Variants in JAGN1 observed in about 807,000 individuals in gnomAD.
JAGN1 encodes the protein jagunal vesicle mediated transporter 1.
In JAGN1, 13 loss-of-function variants were observed where a neutral mutation model predicts 17.1. The observed-to-expected ratio is 0.76, with a 90% CI of 0.49 to 1.21. The LOEUF (loss-of-function observed/expected upper bound fraction) is 1.21, where lower values mean the gene tolerates loss of function less well. Ranked by LOEUF, JAGN1 falls within the 50% of genes most tolerant of loss-of-function variation. The probability of loss-of-function intolerance (pLI) is 0.00; values close to 1 mark genes in which losing one functional copy is unlikely to be tolerated. For synonymous variants in JAGN1, 111 were observed against 91.0 expected, an observed-to-expected ratio of 1.22 and a Z score of -1.25; for missense variants, 256 against 234.2, an observed-to-expected ratio of 1.09 and a Z score of -0.61.
rs1187514595 is a variant in JAGN1, at chr3:9,892,996, G to C, written c.171G>C (p.Val57=). The change falls in exon 2 of 2, where the codon GTG becomes GTC. Residue 57 remains valine, a synonymous_variant. Transcript: ENST00000647897. The part of the protein sequence containing the change: ...IWLLLVAKMS[V]GHLRLLSHDQ... ...TGCTGCTGGTTGCTAAGATGAGCGT[G>C]GGACACCTGAGGCTCTTGTCACATG... 1.2e-6 allele frequency: 2 copies of C among 1,614,162 alleles called. No homozygotes were observed. The highest frequency in any genetic ancestry group is 2.2e-5 in the South Asian group (2 of 91,084).
At position 9,890,651 on chromosome 3, in the gene JAGN1, C is replaced by A; in HGVS notation, c.-72C>A. Reference sequence around the variant, plus strand: ...GCGGCTGCGGGGGCGCAAATAGGGTCAGTGGGCCGCTTGGCGGTGTCGTTG... The same window carrying A: ...GCGGCTGCGGGGGCGCAAATAGGGTAAGTGGGCCGCTTGGCGGTGTCGTTG... On this transcript the variant is annotated 5_prime_UTR_variant, in exon 1 of 2. Coordinates refer to ENST00000647897, the MANE Select transcript of JAGN1 (RefSeq NM_032492.4). The A allele has an allele frequency of 2.1e-6, 3 of 1,433,620 alleles. No homozygotes were observed. The highest frequency in any genetic ancestry group is 2.5e-5 in the South Asian group (2 of 79,484). The allele number at this position is 1,433,620 out of a possible 1,614,324, so 88.8% of individuals were successfully genotyped here.
rs1185144495 is a variant in JAGN1 at position 9,893,917 on chromosome 3, A to G, written c.*540A>G. On this transcript the variant is annotated 3_prime_UTR_variant, in exon 2 of 2. Transcript: ENST00000647897. The stretch of plus-strand genomic sequence containing the variant: ...TGTTGCTTGAAAGGTGTGGCCTTAG[A>G]CACTAGGAGATGATGGGTAGAAGCT... 3 of 156,730 alleles carry G rather than the reference A, an allele frequency of 1.9e-5. No homozygotes were observed. Among genetic ancestry groups the G allele is most frequent in the Non-Finnish European group, 4.3e-5 (3 of 70,562 alleles). The allele number at this position is 156,730 out of a possible 1,614,324, so 9.7% of individuals were successfully genotyped here.
Position 9,893,138 on chromosome 3 carries a change from A to T in JAGN1, c.313A>T (p.Ile105Phe). 6.2e-7 allele frequency: 1 copy of T among 1,614,108 alleles called. No individual in the cohort carries two copies. The highest frequency in any genetic ancestry group is 2.2e-5 in the East Asian group (1 of 44,888). Reference protein sequence around the residue: ...NNISYLVLSMISMGLFSIAPL... With the variant: ...NNISYLVLSMFSMGLFSIAPL... ...CATTAGCTACCTGGTGCTCTCCATG[A>T]TCAGCATGGGACTCTTTTCCATCGC... Residue 105 changes from isoleucine (I) to phenylalanine (F), a missense_variant, in exon 2 of 2, where the codon ATC becomes TTC. Ile to Phe is a conservative substitution (Grantham distance 21, BLOSUM62 0). Coordinates refer to ENST00000647897, the MANE Select transcript of JAGN1 (RefSeq NM_032492.4).
chr3:9,892,191 T>A lies in JAGN1; in HGVS notation c.90-724T>A, dbSNP rs566444562. Among the ~76,000 whole-genome samples the A allele has an allele frequency of 2.6e-5, 4 of 152,210 alleles. No individual in the cohort carries two copies. In the East Asian group the frequency reaches 7.7e-4, roughly 29 times the overall value. On this transcript the variant is annotated intron_variant, in intron 1 of 1. Transcript: ENST00000647897. Reference sequence around the variant, plus strand: ...CCACCACGTGCTGCTAATTTTTTTGTATTTTTAGTAGAGACAGGGTTTCAC... The same window carrying A: ...CCACCACGTGCTGCTAATTTTTTTGAATTTTTAGTAGAGACAGGGTTTCAC...
Position 9,890,713 on chromosome 3 carries a change from G to A in JAGN1, c.-10G>A, listed in dbSNP as rs763251927. On this transcript the variant is annotated 5_prime_UTR_variant, in exon 1 of 2. Coordinates refer to ENST00000647897, the MANE Select transcript of JAGN1 (RefSeq NM_032492.4). ...CCGCGTGAGGGGTTCGGGGGTTCTG[G>A]GCAGGCACAATGGCGTCTCGAGCAG... 1 of 1,604,940 alleles carries A rather than the reference G, an allele frequency of 6.2e-7. No individual in the cohort carries two copies. Among genetic ancestry groups the A allele is most frequent in the Non-Finnish European group, 8.5e-7 (1 of 1,176,826 alleles).
In JAGN1 at chr3:9,893,758, A is replaced by G. The variant is rs1304588115; in HGVS notation, c.*381A>G. On this transcript the variant is annotated 3_prime_UTR_variant, in exon 2 of 2. Coordinates refer to ENST00000647897, the MANE Select transcript of JAGN1 (RefSeq NM_032492.4). Reference sequence around the variant, plus strand: ...TTACTTCATCTCTAGGTCACGGGTCAGGAAACATTTGGGCAGCTGCTCCCT... The same window carrying G: ...TTACTTCATCTCTAGGTCACGGGTCGGGAAACATTTGGGCAGCTGCTCCCT... The G allele has an allele frequency of 1.0e-5, 2 of 194,724 alleles. No homozygotes were observed. Among genetic ancestry groups the G allele is most frequent in the East Asian group, 1.2e-4 (1 of 8,034 alleles). 12.1% of individuals were successfully genotyped at this position (194,724 alleles called of 1,614,324 possible). A position where few individuals can be genotyped will look rare whatever the true frequency, so the allele number is the denominator to read the frequency against.
At chr3:9,891,569 A>T (rs1431144856) in intron 1 of JAGN1, among the ~76,000 whole-genome samples, 1 of 151,062 alleles carries the variant, frequency 6.6e-6, no homozygotes, top group Admixed American at 6.6e-5. Context: ...ACCTTTCCAC[A>T]TTTTCTACAA....
In JAGN1 at chr3:9,893,638, A is replaced by G. The variant is rs1274827349; in HGVS notation, c.*261A>G. 2 of 461,784 alleles carry G rather than the reference A, an allele frequency of 4.3e-6. No individual in the cohort carries two copies. Among genetic ancestry groups the G allele is most frequent in the African/African-American group, 3.9e-5 (2 of 51,224 alleles). 28.6% of individuals were successfully genotyped at this position (461,784 alleles called of 1,614,324 possible). A position where few individuals can be genotyped will look rare whatever the true frequency, so the allele number is the denominator to read the frequency against. On this transcript the variant is annotated 3_prime_UTR_variant, in exon 2 of 2. Transcript: ENST00000647897. ...TGAACTTTGAGGTTTTTCTTTAAGA[A>G]TGAGCTTCGTCCTTGCCTCTACTCG... is the stretch of plus-strand genomic sequence containing the variant.
intron 1 of JAGN1, among the ~76,000 whole-genome samples, chr3:9,891,214 A>C (rs1475974963): frequency 1.3e-5 from 2 of 152,250 alleles, no homozygotes; most frequent in East Asian, 3.8e-4. Flanking sequence ...GTGTAAAGAA[A>C]GTAGCATAAG....
Position 9,893,328 on chromosome 3 carries a change from A to G in JAGN1, c.503A>G (p.Lys168Arg), listed in dbSNP as rs749080431. ...GCCTGGCAGTTGTACTACAGCAAGAAGCTCCTAGACTCTTGGTTCACCAGC... is the reference window on the plus strand; with the variant it reads ...GCCTGGCAGTTGTACTACAGCAAGAGGCTCCTAGACTCTTGGTTCACCAGC... Reference protein sequence around the residue: ...VHAWQLYYSKKLLDSWFTSTQ... With the variant: ...VHAWQLYYSKRLLDSWFTSTQ... Residue 168 changes from lysine to arginine, a missense_variant, in exon 2 of 2, where the codon AAG becomes AGG. Transcript: ENST00000647897. The G allele has an allele frequency of 8.1e-6, 13 of 1,614,050 alleles. No homozygotes were observed. The Admixed American group carries it at 2.0e-4, about 25-fold the overall frequency.
chr3:9,892,465 C>T lies in JAGN1; in HGVS notation c.90-450C>T, dbSNP rs74279914. On this transcript the variant is annotated intron_variant, in intron 1 of 1. Coordinates refer to ENST00000647897, the MANE Select transcript of JAGN1 (RefSeq NM_032492.4). ...GCTTGGATTAGAGTTGTGAGCCCAGCCTCTTCTACTTTTAACTCTCATAGT... is the reference window on the plus strand; with the variant it reads ...GCTTGGATTAGAGTTGTGAGCCCAGTCTCTTCTACTTTTAACTCTCATAGT... Among the ~76,000 whole-genome samples, 25 of 91,248 alleles carry T rather than the reference C, an allele frequency of 2.7e-4. No individual in the cohort carries two copies. In the East Asian group the frequency reaches 8.1e-3, roughly 30 times the overall value. 59.9% of individuals were successfully genotyped at this position (91,248 alleles called of 152,430 possible). A position where few individuals can be genotyped will look rare whatever the true frequency, so the allele number is the denominator to read the frequency against.
rs753747801 is a variant in JAGN1 at position 9,892,949 on chromosome 3, T to C, written c.124T>C (p.Tyr42His). The C allele has an allele frequency of 8.1e-6, 13 of 1,613,274 alleles. No individual in the cohort carries two copies. The South Asian group carries it at 1.3e-4, about 16-fold the overall frequency. The change falls in exon 2 of 2, where the codon TAC (tyrosine) becomes CAC (histidine). Residue 42 changes from tyrosine (Y) to histidine (H), a missense_variant. Physicochemically the swap from Tyr to His is moderately conservative, Grantham distance 83 (BLOSUM62 2). Coordinates refer to ENST00000647897, the MANE Select transcript of JAGN1 (RefSeq NM_032492.4). ...TLKYEIKKLI[Y>H]VHLVIWLLLV... ...CAAGTATGAAATCAAGAAGCTGATC[T>C]ACGTACATCTGGTCATATGGCTGCT...
In JAGN1 at chr3:9,893,435, G is replaced by A. The variant is rs1285298062; in HGVS notation, c.*58G>A. On this transcript the variant is annotated 3_prime_UTR_variant, in exon 2 of 2. Transcript: ENST00000647897. ...CGAATGAAAGGACACTAGTACAGCG[G>A]TTCCAAAATCCCTTCTGGTGATTTT... 1 of 1,343,472 alleles carries A rather than the reference G, an allele frequency of 7.4e-7. No individual in the cohort carries two copies. The highest frequency in any genetic ancestry group is 2.5e-5 in the East Asian group (1 of 40,568). The allele number at this position is 1,343,472 out of a possible 1,614,324, so 83.2% of individuals were successfully genotyped here.
In JAGN1 at chr3:9,893,353, C is replaced by T. The variant is rs2082576219; in HGVS notation, c.528C>T (p.Ser176=). ...SKKLLDSWFT[S]TQEKKHK is the part of the protein sequence containing the mutation. ...AGCTCCTAGACTCTTGGTTCACCAG[C>T]ACACAGGAGAAGAAGCATAAATGAA... The change falls in exon 2 of 2, where the codon AGC becomes AGT. Residue 176 remains serine (S), a synonymous_variant. Transcript: ENST00000647897. 1 of 1,612,850 alleles carries T rather than the reference C, an allele frequency of 6.2e-7. No individual in the cohort carries two copies. Among genetic ancestry groups the T allele is most frequent in the Non-Finnish European group, 8.5e-7 (1 of 1,179,460 alleles).
rs2082555094 is a variant in JAGN1 at position 9,890,642 on chromosome 3, A to G, written c.-81A>G. On this transcript the variant is annotated 5_prime_UTR_variant, in exon 1 of 2. Transcript: ENST00000647897. ...CGGAGCCGCGCGGCTGCGGGGGCGC[A>G]AATAGGGTCAGTGGGCCGCTTGGCG... 1.5e-6 allele frequency: 2 copies of G among 1,367,750 alleles called. No homozygotes were observed. Among genetic ancestry groups the G allele is most frequent in the Non-Finnish European group, 2.0e-6 (2 of 994,018 alleles). The allele number at this position is 1,367,750 out of a possible 1,614,324, so 84.7% of individuals were successfully genotyped here. A position where few individuals can be genotyped will look rare whatever the true frequency, so the allele number is the denominator to read the frequency against.
Position 9,893,101 on chromosome 3 carries a change from T to G in JAGN1, c.276T>G (p.Phe92Leu), listed in dbSNP as rs1012137585. 1 of 1,614,126 alleles carries G rather than the reference T, an allele frequency of 6.2e-7. No individual in the cohort carries two copies. Among genetic ancestry groups the G allele is most frequent in the Non-Finnish European group, 8.5e-7 (1 of 1,180,010 alleles). Residue 92 changes from phenylalanine (F) to leucine (L), a missense_variant, in exon 2 of 2, where the codon TTT becomes TTG. Physicochemically the swap from Phe to Leu is conservative, Grantham distance 22. Transcript: ENST00000647897. ...ILPSLLGLLSFPRNNISYLVL... is the reference protein window; with the variant it reads ...ILPSLLGLLSLPRNNISYLVL... ...CCTCTCTCTTGGGCCTTCTCTCCTT[T>G]CCCCGCAACAACATTAGCTACCTGG...
chr3:9,891,133 C>T (rs2082560493), intron 1 of JAGN1, among the ~76,000 whole-genome samples: 2 of 152,374 alleles, frequency 1.3e-5, no homozygotes, highest in South Asian at 4.1e-4. Context: ...ATTTGAGCCT[C>T]AGCTTCCTCA....
rs1435902296 is a variant in JAGN1, at chr3:9,894,315, C to A, written c.*938C>A. 1 of 152,168 alleles carries A rather than the reference C, an allele frequency of 6.6e-6. No individual in the cohort carries two copies. Among genetic ancestry groups the A allele is most frequent in the Non-Finnish European group, 1.5e-5 (1 of 68,028 alleles). 9.4% of individuals were successfully genotyped at this position (152,168 alleles called of 1,614,324 possible). ...ACATTAAAAACAGGAAGGAAGAGAT[C>A]TGTGATTAAACTAAAGGCCCTTTCA... On this transcript the variant is annotated 3_prime_UTR_variant, in exon 2 of 2. Transcript: ENST00000647897.
At chr3:9,891,371 T>C (rs1301605468) in intron 1 of JAGN1, among the ~76,000 whole-genome samples, 1 of 152,206 alleles carries the variant, frequency 6.6e-6, no homozygotes, top group Non-Finnish European at 1.5e-5. Flanking sequence ...ATTCAATTAC[T>C]AGTTCGACAA....
Sources: gnomAD v4.1 joint callset for allele counts (sites outside exome capture counted in the v4.1 genomes callset) on GRCh38, gnomAD v4.1.1 for gene constraint, MANE v1.5 for transcripts, NCBI Gene and HGNC (gene_info 2026-07-23, HGNC 2026-07-21) for gene names.